The following CFAP91 variants were observed in gnomAD, a reference collection of about 807,000 sequenced individuals.
The protein encoded by CFAP91 is cilia- and flagella-associated protein 91.
Under a neutral mutation model 95.9 loss-of-function variants are expected in CFAP91, and 85 were observed. The observed-to-expected ratio is 0.89, with a 90% CI of 0.74 to 1.06. The LOEUF is 1.06. Among genes scored for constraint, CFAP91 ranks in the 50% least tolerant of loss-of-function variants. The probability of loss-of-function intolerance (pLI) is 0.00; values close to 1 mark genes in which losing one functional copy is unlikely to be tolerated. For missense variants in CFAP91, 962 were observed against 943.4 expected (o/e 1.02, Z -0.26); for synonymous variants, 335 against 327.5 (o/e 1.02, Z -0.25).
At chr3:119,729,672 TATCTA>T (rs1328655837) in intron 7 of CFAP91, among the ~76,000 whole-genome samples, 1 of 151,208 alleles carries the variant, frequency 6.6e-6, no homozygotes, top group African/African-American at 2.4e-5. Flanking sequence ...AAAAAAGAAA[TATCTA>T]AGCTGGAGGT....
intron 6 of CFAP91, among the ~76,000 whole-genome samples, chr3:119,723,898 G>A (rs2053730981): frequency 6.6e-6 from 1 of 151,276 alleles, no homozygotes; most frequent in Admixed American, 6.6e-5. Flanking sequence ...GATGGCTTAT[G>A]CCTGTAATCC....
intron 17 of CFAP91, among the ~76,000 whole-genome samples, chr3:119,753,808 C>A (rs1484466211): frequency 6.6e-6 from 1 of 152,142 alleles, no homozygotes; most frequent in Non-Finnish European, 1.5e-5. Context: ...ATCCCTCATC[C>A]CCTTCCCACT....
At chr3:119,715,902 T>C (rs1318336803) in intron 6 of CFAP91, 159 bp downstream of exon 6, 8 of 633,388 alleles carry the variant, frequency 1.3e-5, no homozygotes, top group Non-Finnish European at 2.0e-5. Flanking sequence ...CTGATACTTC[T>C]GGTCAAATAA....
Position 119,703,045 on chromosome 3 carries a change from G to A in CFAP91, c.-54G>A. ...CCGTTACCATAGCGACGTGCACGCAGTAGCCAGGCCTGACCCGCTGGTCCC... is the reference window on the plus strand; with the variant it reads ...CCGTTACCATAGCGACGTGCACGCAATAGCCAGGCCTGACCCGCTGGTCCC... On this transcript the variant is annotated 5_prime_UTR_variant, in exon 1 of 18. Coordinates refer to ENST00000273390, the MANE Select transcript of CFAP91 (RefSeq NM_033364.4). The A allele has an allele frequency of 6.5e-7, 1 of 1,536,238 alleles. No individual in the cohort carries two copies. The highest frequency in any genetic ancestry group is 8.8e-7 in the Non-Finnish European group (1 of 1,137,484).
At chr3:119,742,181 G>A (rs143441914) in intron 13 of CFAP91, among the ~76,000 whole-genome samples, 170 of 152,182 alleles carry the variant, frequency 1.1e-3, no homozygotes, top group African/African-American at 3.5e-3. Flanking sequence ...AATCGTGTCC[G>A]CCTACAGCTA....
chr3:119,737,241 G>T (rs1577227800), intron 10 of CFAP91, 125 bp from the exon 11 acceptor site: 1 of 603,220 alleles, frequency 1.7e-6, no homozygotes, highest in South Asian at 2.3e-5. Context: ...TCAGGTGATG[G>T]GTATGCTAAA....
rs1311850938 is a variant in CFAP91, at chr3:119,744,017, G to T, written c.1723G>T (p.Ala575Ser). Residue 575 changes from alanine to serine, a missense_variant, in exon 14 of 18, where the codon GCA becomes TCA. Physicochemically the swap from Ala to Ser is moderately conservative, Grantham distance 99. Coordinates refer to ENST00000273390, the MANE Select transcript of CFAP91 (RefSeq NM_033364.4). The stretch of plus-strand genomic sequence containing the variant: ...CCATTTGGCCGGACTGGAAGGAAGG[G>T]CACTAGCAGACATGTTTGACTTCCT... ...ENHLAGLEGR[A>S]LADMFDFLSK... is the part of the protein sequence containing the mutation. 2.5e-6 allele frequency: 4 copies of T among 1,613,880 alleles called. No homozygotes were observed. The highest frequency in any genetic ancestry group is 2.5e-6 in the Non-Finnish European group (3 of 1,179,860).
chr3:119,723,679 C>G (rs1049678589), intron 6 of CFAP91, among the ~76,000 whole-genome samples: 1 of 152,172 alleles, frequency 6.6e-6, no homozygotes, highest in African/African-American at 2.4e-5. Flanking sequence ...ATTTTTGGTT[C>G]ATATTTGCTT....
At position 119,715,760 on chromosome 3, in the gene CFAP91, CCTGA is replaced by C. The variant is rs1451264866; in HGVS notation, c.682+20_682+23del. The C allele has an allele frequency of 4.5e-5, 72 of 1,610,580 alleles. No homozygotes were observed. The highest frequency in any genetic ancestry group is 5.0e-5 in the Non-Finnish European group (59 of 1,176,932). On this transcript the variant is annotated intron_variant, in intron 6 of 17. Coordinates refer to ENST00000273390, the MANE Select transcript of CFAP91 (RefSeq NM_033364.4). ...TTACTTGGGGTGAGTTGGTAAATCT[CCTGA>C]CTATTGGCAGATGACGATGCTGATA...
At position 119,748,818 on chromosome 3, in the gene CFAP91, A is replaced by G. The variant is rs564950749; in HGVS notation, c.2143+916A>G. ...TGTTACTAACAGTGCTTCAATCAAT[A>G]TATTTTACACATATCCTGACCATGC... is the stretch of plus-strand genomic sequence containing the variant. On this transcript the variant is annotated intron_variant, in intron 16 of 17. Transcript: ENST00000273390. 9.2e-5 allele frequency among the ~76,000 whole-genome samples: 14 copies of G among 152,314 alleles called. No homozygotes were observed. The South Asian group carries it at 1.9e-3, about 20-fold the overall frequency.
chr3:119,708,370 T>A (rs146409614), intron 3 of CFAP91, among the ~76,000 whole-genome samples: 1 of 152,186 alleles, frequency 6.6e-6, no homozygotes, highest in Admixed American at 6.5e-5. Context: ...TCCACTCTTT[T>A]CTCAGCTCTT....
intron 10 of CFAP91, 111 bp from the exon 11 acceptor site, chr3:119,737,255 C>T (rs2054027285): frequency 1.6e-6 from 1 of 635,780 alleles, no homozygotes; most frequent in Non-Finnish European, 2.8e-6. Flanking sequence ...TGCTAAAAGC[C>T]TAGATTTCAC....
In CFAP91 at chr3:119,751,065, G is replaced by A; in HGVS notation, c.2272G>A (p.Glu758Lys). The A allele has an allele frequency of 1.9e-6, 3 of 1,608,918 alleles. No homozygotes were observed. Among genetic ancestry groups the A allele is most frequent in the Non-Finnish European group, 2.5e-6 (3 of 1,178,366 alleles). ...DEASNAAMLL[E>K]KETQNENNS Reference sequence around the variant, plus strand: ...GGCCTCAAATGCTGCCATGTTACTTGAGAAAGAAACTCAAAATGAGAACAA... The same window carrying A: ...GGCCTCAAATGCTGCCATGTTACTTAAGAAAGAAACTCAAAATGAGAACAA... Residue 758 changes from glutamate (E) to lysine (K), a missense_variant, in exon 17 of 18, where the codon GAG becomes AAG. Coordinates refer to ENST00000273390, the MANE Select transcript of CFAP91 (RefSeq NM_033364.4).
intron 17 of CFAP91, among the ~76,000 whole-genome samples, chr3:119,759,699 G>A (rs2054499051): frequency 6.6e-6 from 1 of 151,888 alleles, no homozygotes; most frequent in Non-Finnish European, 1.5e-5. Flanking sequence ...GGGATACACA[G>A]CATAAAAAGA....
At chr3:119,718,433 G>A (rs1405992073) in intron 6 of CFAP91, among the ~76,000 whole-genome samples, 1 of 152,130 alleles carries the variant, frequency 6.6e-6, no homozygotes, top group Non-Finnish European at 1.5e-5. Context: ...CAAGATAAAA[G>A]AAAAGTAAGA....
At chr3:119,746,324 T>C (rs1407499428) in intron 14 of CFAP91, among the ~76,000 whole-genome samples, 1 of 152,222 alleles carries the variant, frequency 6.6e-6, no homozygotes, top group East Asian at 1.9e-4. Flanking sequence ...TGTTTTATTT[T>C]TCTAATCTCT....
chr3:119,748,319 C>T (rs2054263303), intron 16 of CFAP91, among the ~76,000 whole-genome samples: 1 of 152,188 alleles, frequency 6.6e-6, no homozygotes, highest in Non-Finnish European at 1.5e-5. Flanking sequence ...TAAGTCTACC[C>T]TGCTGCTCTG....
At chr3:119,725,817 A>C (rs1410815325) in intron 6 of CFAP91, among the ~76,000 whole-genome samples, 1 of 152,162 alleles carries the variant, frequency 6.6e-6, no homozygotes, top group Non-Finnish European at 1.5e-5. Flanking sequence ...TCCTTACCCC[A>C]TATTTTTCCC....
intron 13 of CFAP91, 21 bp downstream of exon 13, chr3:119,740,716 T>C (rs2054101139): frequency 1.9e-6 from 3 of 1,606,026 alleles, no homozygotes; most frequent in Middle Eastern, 1.7e-4. Context: ...TTTTGTTTTC[T>C]TGTTACTTTC....
Sources: allele counts gnomAD v4.1 joint callset (sites outside exome capture counted in the v4.1 genomes callset), GRCh38; gene constraint gnomAD v4.1.1; transcripts MANE v1.5; gene names NCBI Gene and HGNC (gene_info 2026-07-23, HGNC 2026-07-21).